The following VPS13B variants were observed in gnomAD, a reference collection of about 807,000 sequenced individuals.
The protein encoded by VPS13B is vacuolar protein sorting 13 homolog B, also known as intermembrane lipid transfer protein VPS13B.
A neutral mutation model predicts 426.4 loss-of-function variants in VPS13B; 285 were observed. The ratio of observed to expected loss-of-function variants is 0.67; its 90% CI spans 0.61 to 0.74. VPS13B has a LOEUF of 0.74. Ranked by LOEUF, VPS13B falls within the 30% of genes least tolerant of loss-of-function variation. The pLI is 0.00. For synonymous variants in VPS13B, 1,676 were observed against 1,676.4 expected (o/e 1.00, Z 0.01); for missense variants, 4,537 against 4,782.6 (o/e 0.95, Z 1.51).
Position 99,853,783 on chromosome 8 carries a change from C to T in VPS13B, c.10394C>T (p.Ser3465Phe). ...TCCAAAATGCAGAGTCTCCTCATAT[C>T]CAACAAAGAGTTGGAAGAATACAAG... ...QCSKMQSLLI[S>F]NKELEEYKEK... Residue 3465 changes from serine (S) to phenylalanine (F), a missense_variant, in exon 56 of 62, where the codon TCC becomes TTC. By Grantham distance (155) the Ser-to-Phe change is radical. Transcript: ENST00000357162. 6.2e-7 allele frequency: 1 copy of T among 1,614,210 alleles called. No homozygotes were observed. Among genetic ancestry groups the T allele is most frequent in the Non-Finnish European group, 8.5e-7 (1 of 1,180,038 alleles).
rs552537847 is a variant in VPS13B at position 99,293,073 on chromosome 8, C to T, written c.2824+17819C>T. Among the ~76,000 whole-genome samples the T allele has an allele frequency of 8.6e-5, 13 of 151,904 alleles. No individual in the cohort carries two copies. The East Asian group carries it at 9.7e-4, about 11-fold the overall frequency. ...GTTCATATGGAGCCAAAAAAGAGCCCGCATCGCCAAGTCAATCCTAAGCCA... is the reference window on the plus strand; with the variant it reads ...GTTCATATGGAGCCAAAAAAGAGCCTGCATCGCCAAGTCAATCCTAAGCCA... On this transcript the variant is annotated intron_variant, in intron 19 of 61. Coordinates refer to ENST00000357162, the MANE Select transcript of VPS13B (RefSeq NM_152564.5).
At chr8:99,337,688 A>G (rs1297674437) in intron 19 of VPS13B, among the ~76,000 whole-genome samples, 1 of 152,136 alleles carries the variant, frequency 6.6e-6, no homozygotes, top group African/African-American at 2.4e-5. Context: ...CTTTTTCATA[A>G]CAATGTTTTA....
intron 31 of VPS13B, among the ~76,000 whole-genome samples, chr8:99,575,370 G>T (rs191175306): frequency 1.3e-5 from 2 of 152,112 alleles, no homozygotes; most frequent in African/African-American, 4.8e-5. Context: ...CTATTTGCAA[G>T]AACAAAAAGG....
chr8:99,116,658 TC>T (rs1847669385), intron 7 of VPS13B, among the ~76,000 whole-genome samples: 1 of 150,470 alleles, frequency 6.6e-6, no homozygotes, highest in Non-Finnish European at 1.5e-5. Flanking sequence ...GGTCTCAAAC[TC>T]CTAGGCATAA....
At chr8:99,478,453 T>G (rs201192929) in intron 24 of VPS13B, among the ~76,000 whole-genome samples, 27,487 of 116,946 alleles carry the variant, frequency 0.24, 2,568 homozygotes, top group South Asian at 0.46. Context: ...TTTTGTTTTT[T>G]TTTTTTTTTT....
At chr8:99,019,983 G>T (rs770771285) in intron 2 of VPS13B, among the ~76,000 whole-genome samples, 3 of 152,144 alleles carry the variant, frequency 2.0e-5, no homozygotes, top group African/African-American at 7.2e-5. Context: ...ATTTATTTGG[G>T]TATATACCCA....
At chr8:99,599,832 C>T (rs911055267) in intron 33 of VPS13B, among the ~76,000 whole-genome samples, 13 of 152,050 alleles carry the variant, frequency 8.5e-5, no homozygotes, top group Admixed American at 1.3e-4. Flanking sequence ...TTAAGATTCT[C>T]GGACTTTAGC....
rs185808426 is a variant in VPS13B at position 99,582,430 on chromosome 8, G to A, written c.5220+4797G>A. On this transcript the variant is annotated intron_variant, in intron 33 of 61. Transcript: ENST00000357162. The stretch of plus-strand genomic sequence containing the variant: ...TATCATATCTTGATTCCCTATTACC[G>A]TATTCACTTGCTATTTGTTGTTAAT... 3.4e-4 allele frequency among the ~76,000 whole-genome samples: 52 copies of A among 151,942 alleles called. No homozygotes were observed. The South Asian group carries it at 4.0e-3, about 12-fold the overall frequency.
In VPS13B at chr8:99,436,246, G is replaced by A. The variant is rs145489448; in HGVS notation, c.3210+4582G>A. On this transcript the variant is annotated intron_variant, in intron 22 of 61. Coordinates refer to ENST00000357162, the MANE Select transcript of VPS13B (RefSeq NM_152564.5). ...ATGGATACATTAAATAATATTTAAGGTTACTTCCAACTCTAACATTATTGT... is the reference window on the plus strand; with the variant it reads ...ATGGATACATTAAATAATATTTAAGATTACTTCCAACTCTAACATTATTGT... Among the ~76,000 whole-genome samples, 1,312 of 152,132 alleles carry A rather than the reference G, an allele frequency of 8.6e-3. 16 individuals are homozygous for A. Among genetic ancestry groups the A allele is most frequent in the Admixed American group, 0.015 (236 of 15,274 alleles).
At chr8:99,023,172 C>G (rs188171014) in intron 2 of VPS13B, among the ~76,000 whole-genome samples, 74 of 151,416 alleles carry the variant, frequency 4.9e-4, no homozygotes, top group Middle Eastern at 3.4e-3. Flanking sequence ...TTGCCCCTCC[C>G]ACCCCTTCTA....
intron 8 of VPS13B, 148 bp downstream of exon 8, chr8:99,121,593 G>A: frequency 6.9e-7 from 1 of 1,447,166 alleles, no homozygotes; most frequent in Non-Finnish European, 9.1e-7. Context: ...AAAATTACAT[G>A]GCTCCTCCAC....
At chr8:99,452,012 C>G (rs924701358) in intron 23 of VPS13B, among the ~76,000 whole-genome samples, 6 of 152,136 alleles carry the variant, frequency 3.9e-5, no homozygotes, top group African/African-American at 1.4e-4. Flanking sequence ...TTTTTGCGTG[C>G]AATCCTTTTG....
At chr8:99,621,788 CT>C (rs1316909511) in intron 33 of VPS13B, among the ~76,000 whole-genome samples, 5 of 145,698 alleles carry the variant, frequency 3.4e-5, no homozygotes, top group Non-Finnish European at 7.6e-5. Flanking sequence ...ACATTCATTC[CT>C]TTTTTTGTTT....
At chr8:99,725,586 G>A (rs1191784251) in intron 39 of VPS13B, among the ~76,000 whole-genome samples, 1 of 152,080 alleles carries the variant, frequency 6.6e-6, no homozygotes, top group African/African-American at 2.4e-5. Flanking sequence ...AAAAGATTGG[G>A]GACCACTGCT....
intron 15 of VPS13B, among the ~76,000 whole-genome samples, chr8:99,167,043 A>G (rs1340950331): frequency 6.6e-6 from 1 of 152,206 alleles, no homozygotes. Context: ...GCTACATCAA[A>G]TGAAGTATCA....
At chr8:99,739,130 C>T (rs576431809) in intron 39 of VPS13B, among the ~76,000 whole-genome samples, 1 of 152,208 alleles carries the variant, frequency 6.6e-6, no homozygotes, top group Non-Finnish European at 1.5e-5. Flanking sequence ...CACCCTAATA[C>T]TGTGCTTTTC....
At position 99,491,669 on chromosome 8, in the gene VPS13B, T is replaced by TG. The variant is rs796765335; in HGVS notation, c.3870+9868dup. On this transcript the variant is annotated intron_variant, in intron 25 of 61. Coordinates refer to ENST00000357162, the MANE Select transcript of VPS13B (RefSeq NM_152564.5). ...TGATTGAAACGACTATTGAAGCTTGTGCATGCATCACGTAGTTCTCGTGCT... is the reference window on the plus strand; with the variant it reads ...TGATTGAAACGACTATTGAAGCTTGTGGCATGCATCACGTAGTTCTCGTGCT... Among the ~76,000 whole-genome samples the TG allele has an allele frequency of 6.6e-5, 10 of 152,316 alleles. 1 individual carries two copies. Among genetic ancestry groups the TG allele is most frequent in the African/African-American group, 2.2e-4 (9 of 41,566 alleles).
chr8:99,822,412 T>C (rs1456697627), intron 50 of VPS13B, among the ~76,000 whole-genome samples: 2 of 152,210 alleles, frequency 1.3e-5, no homozygotes, highest in African/African-American at 4.8e-5. Flanking sequence ...GGGCAACACA[T>C]GTTTATGCTC....
At chr8:99,781,486 G>A (rs1016691427) in intron 42 of VPS13B, among the ~76,000 whole-genome samples, 64 of 152,080 alleles carry the variant, frequency 4.2e-4, no homozygotes, top group African/African-American at 1.4e-3. Flanking sequence ...ATGATGTGAC[G>A]TCAAATACAT....
Sources: allele counts gnomAD v4.1 joint callset (sites outside exome capture counted in the v4.1 genomes callset), GRCh38; gene constraint gnomAD v4.1.1; transcripts MANE v1.5; gene names NCBI Gene and HGNC (gene_info 2026-07-23, HGNC 2026-07-21).